The following PCCA variants were observed in gnomAD, a reference collection of about 807,000 sequenced individuals.
PCCA encodes propionyl-CoA carboxylase alpha chain, mitochondrial.
A neutral mutation model predicts 101.3 loss-of-function variants in PCCA; 74 were observed. The ratio of observed to expected loss-of-function variants is 0.73; its 90% CI spans 0.61 to 0.89. PCCA has a LOEUF of 0.89. PCCA is among the 40% of genes least tolerant of loss of function. The pLI, the probability that PCCA is intolerant of heterozygous loss-of-function variation, is 0.00. For missense variants in PCCA, 891 were observed against 907.0 expected (o/e 0.98, Z 0.23); for synonymous variants, 294 against 313.6 (o/e 0.94, Z 0.66).
At chr13:100,380,669 T>G (rs1378699553) in intron 19 of PCCA, among the ~76,000 whole-genome samples, 1 of 152,174 alleles carries the variant, frequency 6.6e-6, no homozygotes, top group Non-Finnish European at 1.5e-5. Flanking sequence ...TCATATTGAT[T>G]AGTATACAAA....
chr13:100,502,599 C>G (rs1242386864), intron 21 of PCCA, among the ~76,000 whole-genome samples: 3 of 152,174 alleles, frequency 2.0e-5, no homozygotes, highest in African/African-American at 7.2e-5. Flanking sequence ...GGGAATCGAC[C>G]TTAACTTCTG....
At chr13:100,399,980 T>C (rs1166033831) in intron 19 of PCCA, among the ~76,000 whole-genome samples, 2 of 152,158 alleles carry the variant, frequency 1.3e-5, no homozygotes, top group African/African-American at 2.4e-5. Flanking sequence ...ATTTGAGTGG[T>C]TTGTTGCCAA....
intron 18 of PCCA, among the ~76,000 whole-genome samples, chr13:100,363,194 C>T (rs2152804243): frequency 6.6e-6 from 1 of 152,208 alleles, no homozygotes; most frequent in South Asian, 2.1e-4. Context: ...AGTGAGTTTT[C>T]CAGTGAATTG....
At chr13:100,382,293 C>G (rs751297412) in intron 19 of PCCA, among the ~76,000 whole-genome samples, 1 of 152,132 alleles carries the variant, frequency 6.6e-6, no homozygotes, top group Non-Finnish European at 1.5e-5. Flanking sequence ...GGATTTTCTC[C>G]GGTTACTCCA....
chr13:100,163,640 C>T (rs1470442445), intron 6 of PCCA, among the ~76,000 whole-genome samples: 1 of 152,098 alleles, frequency 6.6e-6, no homozygotes, highest in Non-Finnish European at 1.5e-5. Flanking sequence ...CAGGCTCACC[C>T]TTTAAAAGTA....
chr13:100,500,523 C>G (rs1408666107), intron 21 of PCCA, among the ~76,000 whole-genome samples: 1 of 152,086 alleles, frequency 6.6e-6, no homozygotes, highest in Non-Finnish European at 1.5e-5. Flanking sequence ...CCCAGTTGCC[C>G]AAATATTGAG....
At chr13:100,505,945 G>A (rs2086041366) in intron 21 of PCCA, among the ~76,000 whole-genome samples, 1 of 151,652 alleles carries the variant, frequency 6.6e-6, no homozygotes, top group Non-Finnish European at 1.5e-5. Context: ...AATACCTGGT[G>A]AATAGTTACT....
chr13:100,349,206 C>T (rs2072953515), intron 18 of PCCA, among the ~76,000 whole-genome samples: 1 of 152,038 alleles, frequency 6.6e-6, no homozygotes, highest in Non-Finnish European at 1.5e-5. Flanking sequence ...TCACCGCAAC[C>T]TCCACCTCCC....
rs377609944 is a variant in PCCA at position 100,484,712 on chromosome 13, A to G, written c.1900-30715A>G. On this transcript the variant is annotated intron_variant, in intron 21 of 23. Transcript: ENST00000376285. ...GCTAGAACTCAGAAGAAACTAATGG[A>G]GCTCTGAAAGAAACCATTGTTTTTT... Among the ~76,000 whole-genome samples, 336 of 152,326 alleles carry G rather than the reference A, an allele frequency of 2.2e-3. 2 individuals carry two copies. Among genetic ancestry groups the G allele is most frequent in the African/African-American group, 7.6e-3 (317 of 41,568 alleles).
chr13:100,426,645 T>C (rs1048782344), intron 20 of PCCA, among the ~76,000 whole-genome samples: 1 of 152,212 alleles, frequency 6.6e-6, no homozygotes, highest in Non-Finnish European at 1.5e-5. Context: ...TCAGTTTCAA[T>C]TGATATATTA....
chr13:100,424,311 G>T (rs535616707), intron 19 of PCCA, among the ~76,000 whole-genome samples: 3 of 152,076 alleles, frequency 2.0e-5, no homozygotes, highest in Admixed American at 6.6e-5. Context: ...AGGGCGGGGC[G>T]GGGGTGGTGC....
At chr13:100,218,135 A>G (rs2059622295) in intron 7 of PCCA, among the ~76,000 whole-genome samples, 1 of 151,500 alleles carries the variant, frequency 6.6e-6, no homozygotes, top group Non-Finnish European at 1.5e-5. Flanking sequence ...TGACCATTGC[A>G]ATTAGTATTG....
At chr13:100,324,823 T>A (rs761473083) in intron 16 of PCCA, among the ~76,000 whole-genome samples, 1 of 152,182 alleles carries the variant, frequency 6.6e-6, no homozygotes, top group Non-Finnish European at 1.5e-5. Context: ...CGCTGTGTGA[T>A]CAGTTCTCTC....
intron 4 of PCCA, among the ~76,000 whole-genome samples, chr13:100,125,155 G>GTGTGTT: frequency 6.6e-6 from 1 of 152,090 alleles, no homozygotes; most frequent in African/African-American, 2.4e-5. Flanking sequence ...GTGTGTGTGT[G>GTGTGTT]TGTGTGTACT....
intron 22 of PCCA, among the ~76,000 whole-genome samples, chr13:100,518,767 C>T (rs1434952956): frequency 6.6e-6 from 1 of 152,156 alleles, no homozygotes; most frequent in Non-Finnish European, 1.5e-5. Context: ...AATGTTTCTG[C>T]AGTAACTCAT....
At chr13:100,161,758 C>T (rs1485516060) in intron 6 of PCCA, 1 of 152,004 alleles carries the variant, frequency 6.6e-6, no homozygotes, top group Non-Finnish European at 1.5e-5. Flanking sequence ...CTATAATCTG[C>T]ATAGCTCATG....
intron 14 of PCCA, among the ~76,000 whole-genome samples, chr13:100,304,263 A>T (rs2066289309): frequency 6.6e-6 from 1 of 152,198 alleles, no homozygotes; most frequent in Non-Finnish European, 1.5e-5. Flanking sequence ...AATGCCTTAA[A>T]TGTTCTGCTT....
At chr13:100,528,711 G>A (rs760699324) in intron 23 of PCCA, among the ~76,000 whole-genome samples, 4 of 152,206 alleles carry the variant, frequency 2.6e-5, no homozygotes, top group South Asian at 2.1e-4. Flanking sequence ...CTGGTATGGT[G>A]TGAAGAGTAG....
intron 20 of PCCA, among the ~76,000 whole-genome samples, chr13:100,446,650 T>C (rs1255180702): frequency 1.3e-5 from 2 of 152,086 alleles, no homozygotes; most frequent in Non-Finnish European, 2.9e-5. Flanking sequence ...CTTAACTGAG[T>C]CTCCCTAAGA....
Sources: gnomAD v4.1 joint callset for allele counts (sites outside exome capture counted in the v4.1 genomes callset) on GRCh38, gnomAD v4.1.1 for gene constraint, MANE v1.5 for transcripts, NCBI Gene and HGNC (gene_info 2026-07-23, HGNC 2026-07-21) for gene names.